NCAM2: variants seen among roughly 807,000 people sequenced by gnomAD.
NCAM2 encodes neural cell adhesion molecule 2.
NCAM2 carries 30 observed loss-of-function variants against 98.1 expected under a neutral mutation model. The ratio of observed to expected loss-of-function variants is 0.31; its 90% CI spans 0.23 to 0.41. NCAM2 has a LOEUF of 0.41. Ranked by LOEUF, NCAM2 falls within the 10% of genes least tolerant of loss-of-function variation. NCAM2 has a pLI of 1.00. For missense variants in NCAM2, 867 were observed against 1,005.8 expected (o/e 0.86, Z 1.87); for synonymous variants, 368 against 342.4 (o/e 1.07, Z -0.83).
intron 9 of NCAM2, among the ~76,000 whole-genome samples, chr21:21,399,073 A>T (rs972422887): frequency 6.6e-6 from 1 of 152,192 alleles, no homozygotes; most frequent in Non-Finnish European, 1.5e-5. Context: ...GGTGGCAGAC[A>T]TCTGAGTGTC....
intron 16 of NCAM2, among the ~76,000 whole-genome samples, chr21:21,522,632 C>CTTTTTTTTTTTTT (rs61635255): frequency 4.0e-5 from 5 of 124,778 alleles, no homozygotes; most frequent in Non-Finnish European, 6.5e-5. Context: ...TTTTCTTTTT[C>CTTTTTTTTTTTTT]TTTTTTTTTT....
chr21:21,320,793 G>C (rs1290788032), intron 5 of NCAM2, among the ~76,000 whole-genome samples: 1 of 152,042 alleles, frequency 6.6e-6, no homozygotes, highest in Non-Finnish European at 1.5e-5. Context: ...GATGTAAATT[G>C]AAAAATGAGG....
intron 1 of NCAM2, among the ~76,000 whole-genome samples, chr21:21,012,225 G>A (rs2064225182): frequency 6.6e-6 from 1 of 152,032 alleles, no homozygotes; most frequent in South Asian, 2.1e-4. Flanking sequence ...GAGATAATAG[G>A]GTGGGGTTTA....
At chr21:21,042,515 T>A (rs905268030) in intron 1 of NCAM2, among the ~76,000 whole-genome samples, 1 of 152,112 alleles carries the variant, frequency 6.6e-6, no homozygotes, top group African/African-American at 2.4e-5. Context: ...TTAACAGATA[T>A]AAGCCTCATT....
At position 21,466,725 on chromosome 21, in the gene NCAM2, C is replaced by T. The variant is rs1421488821; in HGVS notation, c.1774C>T (p.Arg592Cys). The T allele has an allele frequency of 1.9e-6, 3 of 1,596,162 alleles. No homozygotes were observed. The highest frequency in any genetic ancestry group is 2.7e-5 in the African/African-American group (2 of 73,794). The change falls in exon 13 of 18, where the codon CGT becomes TGT. Residue 592 changes from arginine (R) to cysteine (C), a missense_variant and splice_region_variant. Around this residue, in one of 5 missense-constraint regions of NCAM2, gnomAD observed 234 missense variants for 333.8 expected, o/e 0.70. Transcript: ENST00000400546. ...AGAAATCTTCCAAACATTACCAGTT[C>T]GTAAGTAATCATCTCTATTTTTTAT... Reference protein sequence around the residue: ...KIEIFQTLPVREPSPPSIHGQ... With the variant: ...KIEIFQTLPVCEPSPPSIHGQ...
chr21:21,130,559 C>T (rs770830155), intron 1 of NCAM2, among the ~76,000 whole-genome samples: 2 of 151,948 alleles, frequency 1.3e-5, no homozygotes, highest in African/African-American at 2.4e-5. Context: ...ACACTAATTC[C>T]GATAGATTAT....
At chr21:21,170,860 G>C (rs758001800) in intron 1 of NCAM2, among the ~76,000 whole-genome samples, 1 of 152,096 alleles carries the variant, frequency 6.6e-6, no homozygotes, top group Non-Finnish European at 1.5e-5. Flanking sequence ...CTTGGTGTGG[G>C]GACAGGGCTA....
At chr21:21,098,931 C>T (rs1004759833) in intron 1 of NCAM2, among the ~76,000 whole-genome samples, 12 of 151,662 alleles carry the variant, frequency 7.9e-5, no homozygotes, top group Non-Finnish European at 1.3e-4. Flanking sequence ...TGGCCAGGCA[C>T]GCGATGAGAT....
chr21:21,148,561 A>G (rs2067356695), intron 1 of NCAM2, among the ~76,000 whole-genome samples: 1 of 152,218 alleles, frequency 6.6e-6, no homozygotes, highest in Non-Finnish European at 1.5e-5. Flanking sequence ...AAAAACCTTA[A>G]GAACAGACAT....
At chr21:21,009,883 C>CTGTGTG (rs5842868) in intron 1 of NCAM2, among the ~76,000 whole-genome samples, 4,238 of 139,694 alleles carry the variant, frequency 0.03, 133 homozygotes, top group African/African-American at 0.073. Context: ...CCTCTGATAG[C>CTGTGTG]TGTGTGTGTG....
intron 1 of NCAM2, among the ~76,000 whole-genome samples, chr21:21,006,051 A>G (rs1224241369): frequency 6.6e-6 from 1 of 152,140 alleles, no homozygotes; most frequent in Non-Finnish European, 1.5e-5. Flanking sequence ...CAGAGATTTT[A>G]AGTTCCTTCT....
chr21:21,375,755 AAACTT>A (rs1181850195), intron 9 of NCAM2, among the ~76,000 whole-genome samples: 1 of 151,682 alleles, frequency 6.6e-6, no homozygotes, highest in Non-Finnish European at 1.5e-5. Flanking sequence ...AAGAAAAAAA[AAACTT>A]AAGCATGCCA....
intron 8 of NCAM2, among the ~76,000 whole-genome samples, chr21:21,353,930 A>C (rs1448749206): frequency 6.6e-6 from 1 of 152,118 alleles, no homozygotes; most frequent in East Asian, 1.9e-4. Flanking sequence ...TCATATGATA[A>C]AACTGGGTGT....
chr21:21,267,143 A>G (rs970274086), intron 1 of NCAM2, among the ~76,000 whole-genome samples: 14 of 152,202 alleles, frequency 9.2e-5, no homozygotes, highest in African/African-American at 3.4e-4. Context: ...AGCATACTGC[A>G]CAGTTTAATA....
chr21:21,379,107 T>G (rs911438890), intron 9 of NCAM2, among the ~76,000 whole-genome samples: 1 of 152,026 alleles, frequency 6.6e-6, no homozygotes, highest in Non-Finnish European at 1.5e-5. Flanking sequence ...TGTTCATTAT[T>G]TTTCCATGTT....
chr21:21,297,918 A>C (rs1220509946), intron 5 of NCAM2, among the ~76,000 whole-genome samples: 1 of 151,868 alleles, frequency 6.6e-6, no homozygotes, highest in East Asian at 1.9e-4. Context: ...TAATGGAGGC[A>C]GGAACAATTG....
intron 1 of NCAM2, among the ~76,000 whole-genome samples, chr21:21,032,614 A>G (rs1332300324): frequency 6.6e-6 from 1 of 152,178 alleles, no homozygotes; most frequent in Admixed American, 6.5e-5. Context: ...TAAATTCTTC[A>G]TTTGCCTTAG....
At chr21:21,075,554 T>C (rs2065664366) in intron 1 of NCAM2, among the ~76,000 whole-genome samples, 1 of 152,196 alleles carries the variant, frequency 6.6e-6, no homozygotes, top group Non-Finnish European at 1.5e-5. Flanking sequence ...AGGAGGAAAG[T>C]GTTCAATATT....
chr21:21,187,630 T>A (rs2826726), intron 1 of NCAM2, among the ~76,000 whole-genome samples: 120,891 of 152,136 alleles, frequency 0.79, 50,822 homozygotes, highest in Non-Finnish European at 0.95. Context: ...TGATTTGGAA[T>A]TAAATAGAAC....
Sources: allele counts gnomAD v4.1 joint callset (sites outside exome capture counted in the v4.1 genomes callset), GRCh38; gene constraint gnomAD v4.1.1; regional missense constraint gnomAD v4.1.1; transcripts MANE v1.5; gene names NCBI Gene and HGNC (gene_info 2026-07-23, HGNC 2026-07-21).